Variants in DCANP1 observed in about 807,000 individuals in gnomAD.
DCANP1 encodes the protein dendritic cell nuclear protein 1.
For synonymous variants in DCANP1, 139 were observed against 124.2 expected (o/e 1.12, Z -0.79); for missense variants, 328 against 293.7 (o/e 1.12, Z -0.85).
chr5:135,446,692 G>T, the DCANP1 span: 1 of 1,613,844 alleles, frequency 6.2e-7, no homozygotes, highest in Non-Finnish European at 8.5e-7. Context: ...CTGTGAACGG[G>T]TAGAGTCTGA....
At position 135,445,574 on chromosome 5, in the gene DCANP1, A is replaced by C. The variant is rs1190049595; in HGVS notation, c.*800T>G. The C allele has an allele frequency of 1.3e-5, 2 of 152,406 alleles. No homozygotes were observed. Among genetic ancestry groups the C allele is most frequent in the Non-Finnish European group, 2.9e-5 (2 of 68,226 alleles). The allele number at this position is 152,406 out of a possible 1,614,324, so 9.4% of individuals were successfully genotyped here. Reference sequence around the variant, plus strand: ...ACCACCAGAGCCCCCCCGTCTGTGCATCTGTCCTCTGTTCAGCTCTGGAAA... The same window carrying C: ...ACCACCAGAGCCCCCCCGTCTGTGCCTCTGTCCTCTGTTCAGCTCTGGAAA... On this transcript the variant is annotated 3_prime_UTR_variant, in exon 1 of 1. Transcript: ENST00000503143.
At position 135,447,129 on chromosome 5, in the gene DCANP1, C is replaced by A; in HGVS notation, c.-21G>T. On this transcript the variant is annotated 5_prime_UTR_variant, in exon 1 of 1. Coordinates refer to ENST00000503143, the MANE Select transcript of DCANP1 (RefSeq NM_130848.3). Reference sequence around the variant, plus strand: ...TGCATAGTTGGGGGACCATTTTGGTCAGTGACAGATCACTGCTGCTTTTCA... The same window carrying A: ...TGCATAGTTGGGGGACCATTTTGGTAAGTGACAGATCACTGCTGCTTTTCA... 1 of 1,613,848 alleles carries A rather than the reference C, an allele frequency of 6.2e-7. No individual in the cohort carries two copies. The highest frequency in any genetic ancestry group is 1.1e-5 in the South Asian group (1 of 91,016).
rs560968296 is a variant in DCANP1 at position 135,445,970 on chromosome 5, G to A, written c.*404C>T. The A allele has an allele frequency of 1.2e-5, 2 of 163,878 alleles. No individual in the cohort carries two copies. Among genetic ancestry groups the A allele is most frequent in the African/African-American group, 4.8e-5 (2 of 41,830 alleles). 10.2% of individuals were successfully genotyped at this position (163,878 alleles called of 1,614,324 possible). A position where few individuals can be genotyped will look rare whatever the true frequency, so the allele number is the denominator to read the frequency against. On this transcript the variant is annotated 3_prime_UTR_variant, in exon 1 of 1. Coordinates refer to ENST00000503143, the MANE Select transcript of DCANP1 (RefSeq NM_130848.3). ...AATTGTAGTGCTCTGGGGTATGCCTGAATGTAACTAATGTAGCTCCTTTTG... is the reference window on the plus strand; with the variant it reads ...AATTGTAGTGCTCTGGGGTATGCCTAAATGTAACTAATGTAGCTCCTTTTG...
Position 135,444,805 on chromosome 5 carries a change from C to T in DCANP1, c.*1569G>A, listed in dbSNP as rs1009620915. ...TTGCTCTACACGTTTCTGTAGTGAC[C>T]GTCCATTTGAAGGGATAGGGAAATA... On this transcript the variant is annotated 3_prime_UTR_variant, in exon 1 of 1. Transcript: ENST00000503143. 3 of 152,234 alleles carry T rather than the reference C, an allele frequency of 2.0e-5. No homozygotes were observed. The highest frequency in any genetic ancestry group is 4.8e-5 in the African/African-American group (2 of 41,450). The allele number at this position is 152,234 out of a possible 1,614,324, so 9.4% of individuals were successfully genotyped here. A position where few individuals can be genotyped will look rare whatever the true frequency, so the allele number is the denominator to read the frequency against.
At position 135,447,245 on chromosome 5, in the gene DCANP1, C is replaced by A; in HGVS notation, c.-137G>T. On this transcript the variant is annotated 5_prime_UTR_variant, in exon 1 of 1. Transcript: ENST00000503143. ...ACCCTGCCTATTGGACCTTCTGATGCAAGGAGCAGATTAAAATCCCCTCCC... is the reference window on the plus strand; with the variant it reads ...ACCCTGCCTATTGGACCTTCTGATGAAAGGAGCAGATTAAAATCCCCTCCC... The A allele has an allele frequency of 1.9e-6, 2 of 1,048,494 alleles. No homozygotes were observed. Among genetic ancestry groups the A allele is most frequent in the Non-Finnish European group, 2.8e-6 (2 of 720,876 alleles). The allele number at this position is 1,048,494 out of a possible 1,614,324, so 64.9% of individuals were successfully genotyped here. A position where few individuals can be genotyped will look rare whatever the true frequency, so the allele number is the denominator to read the frequency against.
Position 135,444,232 on chromosome 5 carries a change from T to A in DCANP1, c.*2142A>T, listed in dbSNP as rs944299407. 2.6e-5 allele frequency: 4 copies of A among 152,212 alleles called. No individual in the cohort carries two copies. Among genetic ancestry groups the A allele is most frequent in the African/African-American group, 9.7e-5 (4 of 41,450 alleles). The allele number at this position is 152,212 out of a possible 1,614,324, so 9.4% of individuals were successfully genotyped here. On this transcript the variant is annotated 3_prime_UTR_variant, in exon 1 of 1. Coordinates refer to ENST00000503143, the MANE Select transcript of DCANP1 (RefSeq NM_130848.3). Reference sequence around the variant, plus strand: ...GAGAATGTAACTCAAATGGTAGGTTTTATTTCACTTTAATCCGCCTGTGAG... The same window carrying A: ...GAGAATGTAACTCAAATGGTAGGTTATATTTCACTTTAATCCGCCTGTGAG...
Position 135,444,656 on chromosome 5 carries a change from A to G in DCANP1, c.*1718T>C, listed in dbSNP as rs1035552488. 8 of 152,272 alleles carry G rather than the reference A, an allele frequency of 5.3e-5. No homozygotes were observed. The highest frequency in any genetic ancestry group is 2.6e-4 in the Admixed American group (4 of 15,294). The allele number at this position is 152,272 out of a possible 1,614,324, so 9.4% of individuals were successfully genotyped here. On this transcript the variant is annotated 3_prime_UTR_variant, in exon 1 of 1. Coordinates refer to ENST00000503143, the MANE Select transcript of DCANP1 (RefSeq NM_130848.3). ...CCACATGGAGCTTGCTTGCCTCCGC[A>G]CCTCTTTGCTGGCTGCAGCCTTGCT...
chr5:135,446,571 A>T lies in DCANP1; in HGVS notation c.538T>A (p.Ser180Thr). ...SFFLSRKSLK[S>T]SDPWHPPSLS... The stretch of plus-strand genomic sequence containing the variant: ...GAAGGTGGGTGCCATGGATCTGATG[A>T]TTTCAGTGATTTTCTACTCAAGAAA... The change falls in exon 1 of 1, where the codon TCA becomes ACA. Residue 180 changes from serine to threonine, a missense_variant. By Grantham distance (58) the Ser-to-Thr change is moderately conservative. Coordinates refer to ENST00000503143, the MANE Select transcript of DCANP1 (RefSeq NM_130848.3). The T allele has an allele frequency of 6.2e-7, 1 of 1,613,954 alleles. No homozygotes were observed. Among genetic ancestry groups the T allele is most frequent in the Non-Finnish European group, 8.5e-7 (1 of 1,179,870 alleles).
chr5:135,447,174 G>A lies in DCANP1; in HGVS notation c.-66C>T. The A allele has an allele frequency of 1.2e-6, 2 of 1,601,842 alleles. No homozygotes were observed. Among genetic ancestry groups the A allele is most frequent in the South Asian group, 1.1e-5 (1 of 90,142 alleles). ...TTTTCATCAGACCAAAATACATGTG[G>A]CTTCTTCTCCTTGCCAGCCCTACCA... On this transcript the variant is annotated 5_prime_UTR_variant, in exon 1 of 1. Coordinates refer to ENST00000503143, the MANE Select transcript of DCANP1 (RefSeq NM_130848.3).
At position 135,446,386 on chromosome 5, in the gene DCANP1, G is replaced by T. The variant is rs147422825; in HGVS notation, c.723C>A (p.His241Gln). 1.3e-3 allele frequency: 2,063 copies of T among 1,602,420 alleles called. 3 individuals carry two copies. Among genetic ancestry groups the T allele is most frequent in the Admixed American group, 4.0e-3 (240 of 59,538 alleles). Residue 241 changes from histidine (H) to glutamine (Q), a missense_variant, in exon 1 of 1, where the codon CAC becomes CAA. Coordinates refer to ENST00000503143, the MANE Select transcript of DCANP1 (RefSeq NM_130848.3). ...HSLSSHRRAA[H>Q]VPE ...CACGCACACATGTTCACTCAGGCAC[G>T]TGGGCTGCCCTGCGGTGGGAGCTGA...
chr5:135,446,364 G>C lies in DCANP1; in HGVS notation c.*10C>G, dbSNP rs115662828. 1 of 1,587,958 alleles carries C rather than the reference G, an allele frequency of 6.3e-7. No homozygotes were observed. The highest frequency in any genetic ancestry group is 2.2e-5 in the East Asian group (1 of 44,486). ...TGTGCATACTTGCGTGTGTGCACACGCACACATGTTCACTCAGGCACGTGG... is the reference window on the plus strand; with the variant it reads ...TGTGCATACTTGCGTGTGTGCACACCCACACATGTTCACTCAGGCACGTGG... On this transcript the variant is annotated 3_prime_UTR_variant, in exon 1 of 1. Transcript: ENST00000503143.
In DCANP1 at chr5:135,447,064, G is replaced by T. The variant is rs370225970; in HGVS notation, c.45C>A (p.His15Gln). Residue 15 changes from histidine to glutamine, a missense_variant, in exon 1 of 1, where the codon CAC becomes CAA. Physicochemically the swap from His to Gln is conservative, Grantham distance 24. Transcript: ENST00000503143. ...GGTGTCCAGGTACAGTCTCCAGGCC[G>T]TGGCTTCTCGAGTTCTGTATGTGGG... ...AATHIQNSRS[H>Q]GLETVPGHQR... 4 of 1,613,914 alleles carry T rather than the reference G, an allele frequency of 2.5e-6. No homozygotes were observed. The highest frequency in any genetic ancestry group is 1.3e-5 in the African/African-American group (1 of 74,926).
In DCANP1 at chr5:135,446,715, G is replaced by C. The variant is rs987467021; in HGVS notation, c.394C>G (p.Leu132Val). 6.2e-7 allele frequency: 1 copy of C among 1,613,912 alleles called. No individual in the cohort carries two copies. The highest frequency in any genetic ancestry group is 8.5e-7 in the Non-Finnish European group (1 of 1,179,800). ...QTRREGARKH[L>V]VCSFRLYPFT... ...GGGTAGAGTCTGAAACTACAAACCA[G>C]ATGTTTCCGGGCTCCCTCCCGCCTG... is the stretch of plus-strand genomic sequence containing the variant. The change falls in exon 1 of 1, where the codon CTG (leucine) becomes GTG (valine). Residue 132 changes from leucine to valine, a missense_variant. Coordinates refer to ENST00000503143, the MANE Select transcript of DCANP1 (RefSeq NM_130848.3).
rs1769288478 is a variant in DCANP1 at position 135,447,240 on chromosome 5, T to C, written c.-132A>G. 3 of 1,094,204 alleles carry C rather than the reference T, an allele frequency of 2.7e-6. No individual in the cohort carries two copies. The highest frequency in any genetic ancestry group is 3.1e-5 in the South Asian group (2 of 63,492). The allele number at this position is 1,094,204 out of a possible 1,614,324, so 67.8% of individuals were successfully genotyped here. On this transcript the variant is annotated 5_prime_UTR_variant, in exon 1 of 1. Coordinates refer to ENST00000503143, the MANE Select transcript of DCANP1 (RefSeq NM_130848.3). ...TACTAACCCTGCCTATTGGACCTTC[T>C]GATGCAAGGAGCAGATTAAAATCCC...
At position 135,446,187 on chromosome 5, in the gene DCANP1, G is replaced by A; in HGVS notation, c.*187C>T. The stretch of plus-strand genomic sequence containing the variant: ...CCCGTTTTCTACAAGAAGAAACTGT[G>A]GCACGGAGAGATTCAGTTACTTGTC... On this transcript the variant is annotated 3_prime_UTR_variant, in exon 1 of 1. Transcript: ENST00000503143. 1 of 670,592 alleles carries A rather than the reference G, an allele frequency of 1.5e-6. No individual in the cohort carries two copies. Among genetic ancestry groups the A allele is most frequent in the Non-Finnish European group, 2.4e-6 (1 of 412,634 alleles). The allele number at this position is 670,592 out of a possible 1,614,324, so 41.5% of individuals were successfully genotyped here.
chr5:135,445,826 G>A lies in DCANP1; in HGVS notation c.*548C>T, dbSNP rs182121798. 1.5e-3 allele frequency: 228 copies of A among 152,998 alleles called. No homozygotes were observed. The highest frequency in any genetic ancestry group is 2.6e-3 in the Non-Finnish European group (178 of 68,616). 9.5% of individuals were successfully genotyped at this position (152,998 alleles called of 1,614,324 possible). On this transcript the variant is annotated 3_prime_UTR_variant, in exon 1 of 1. Coordinates refer to ENST00000503143, the MANE Select transcript of DCANP1 (RefSeq NM_130848.3). ...TGCAAGTCTCCCTCGAGGGGAGCCC[G>A]TGTCTCTCACGGACAGCTTGGCAAG...
rs1769243186 is a variant in DCANP1 at position 135,445,638 on chromosome 5, T to TGTCTGCAAGGAACTTGAG, written c.*718_*735dup. On this transcript the variant is annotated 3_prime_UTR_variant, in exon 1 of 1. Coordinates refer to ENST00000503143, the MANE Select transcript of DCANP1 (RefSeq NM_130848.3). ...ACAAGAGCCAACAACCCATGGCCTT[T>TGTCTGCAAGGAACTTGAG]GTCTGCAAGGAACTTGAGGTCTCAC... 1 of 152,360 alleles carries TGTCTGCAAGGAACTTGAG rather than the reference T, an allele frequency of 6.6e-6. No homozygotes were observed. Among genetic ancestry groups the TGTCTGCAAGGAACTTGAG allele is most frequent in the Non-Finnish European group, 1.5e-5 (1 of 68,140 alleles). 9.4% of individuals were successfully genotyped at this position (152,360 alleles called of 1,614,324 possible). A position where few individuals can be genotyped will look rare whatever the true frequency, so the allele number is the denominator to read the frequency against.
rs1769216580 is a variant in DCANP1, at chr5:135,444,415, G to A, written c.*1959C>T. 1.3e-5 allele frequency: 2 copies of A among 152,288 alleles called. No individual in the cohort carries two copies. Among genetic ancestry groups the A allele is most frequent in the Admixed American group, 1.3e-4 (2 of 15,290 alleles). 9.4% of individuals were successfully genotyped at this position (152,288 alleles called of 1,614,324 possible). On this transcript the variant is annotated 3_prime_UTR_variant, in exon 1 of 1. Transcript: ENST00000503143. ...GTGTCCGGTGAACGGCTGCAATGCAGGTTAGGCTGCCACCATGAGGGAAGC... is the reference window on the plus strand; with the variant it reads ...GTGTCCGGTGAACGGCTGCAATGCAAGTTAGGCTGCCACCATGAGGGAAGC...
rs572376932 is a variant in DCANP1 at position 135,446,322 on chromosome 5, C to T, written c.*52G>A. On this transcript the variant is annotated 3_prime_UTR_variant, in exon 1 of 1. Coordinates refer to ENST00000503143, the MANE Select transcript of DCANP1 (RefSeq NM_130848.3). ...GCAGCGTTCATGTGCACTGTATGTT[C>T]GTGTTTAGTGTATGTCTGTGCATAC... 17 of 1,538,288 alleles carry T rather than the reference C, an allele frequency of 1.1e-5. No homozygotes were observed. Among genetic ancestry groups the T allele is most frequent in the Non-Finnish European group, 1.3e-5 (15 of 1,141,050 alleles).
Sources: gnomAD v4.1 joint callset for allele counts on GRCh38, gnomAD v4.1.1 for gene constraint, MANE v1.5 for transcripts, NCBI Gene and HGNC (gene_info 2026-07-23, HGNC 2026-07-21) for gene names.